BRINP3: variants seen among roughly 807,000 people sequenced by gnomAD.
BRINP3 encodes the protein BMP/retinoic acid inducible neural specific 3, also known as BMP/retinoic acid-inducible neural-specific protein 3.
BRINP3 carries 19 observed loss-of-function variants against 71.0 expected under a neutral mutation model. The ratio of observed to expected loss-of-function variants is 0.27; its 90% confidence interval spans 0.19 to 0.39. The LOEUF is 0.39. BRINP3 is among the 10% of genes least tolerant of loss of function. The pLI is 1.00. For missense variants in BRINP3, 959 were observed against 940.8 expected (o/e 1.02, Z -0.25); for synonymous variants, 380 against 337.7 (o/e 1.13, Z -1.37).
chr1:190,147,928 T>C (rs1656033564), intron 7 of BRINP3, among the ~76,000 whole-genome samples: 1 of 152,206 alleles, frequency 6.6e-6, no homozygotes, highest in Non-Finnish European at 1.5e-5. Flanking sequence ...AGACAAATGC[T>C]GTAATTGTTG....
intron 2 of BRINP3, among the ~76,000 whole-genome samples, chr1:190,406,666 T>G (rs1672304618): frequency 6.6e-6 from 1 of 152,158 alleles, no homozygotes; most frequent in Admixed American, 6.6e-5. Context: ...GACAAGGAGT[T>G]TCTTCCAAAA....
At chr1:190,156,370 G>A (rs1460670327) in intron 7 of BRINP3, among the ~76,000 whole-genome samples, 1 of 151,846 alleles carries the variant, frequency 6.6e-6, no homozygotes. Context: ...ATAAAGGCAA[G>A]AAAAAAATAT....
chr1:190,454,263 T>C (rs984926787), intron 2 of BRINP3, among the ~76,000 whole-genome samples: 1 of 152,202 alleles, frequency 6.6e-6, no homozygotes, highest in Non-Finnish European at 1.5e-5. Flanking sequence ...CAGTGACTAG[T>C]AGAAGATACC....
intron 7 of BRINP3, among the ~76,000 whole-genome samples, chr1:190,150,949 G>T (rs980705495): frequency 3.3e-5 from 5 of 151,932 alleles, no homozygotes; most frequent in Non-Finnish European, 7.4e-5. Flanking sequence ...GAGATAACAA[G>T]ACCACCACAT....
chr1:190,332,509 G>T (rs1378460894), intron 2 of BRINP3, among the ~76,000 whole-genome samples: 1 of 151,980 alleles, frequency 6.6e-6, no homozygotes, highest in Non-Finnish European at 1.5e-5. Flanking sequence ...CTTCTCCTCA[G>T]TAGGAATGGT....
At chr1:190,257,152 T>A (rs1660736872) in intron 4 of BRINP3, among the ~76,000 whole-genome samples, 1 of 152,220 alleles carries the variant, frequency 6.6e-6, no homozygotes, top group African/African-American at 2.4e-5. Context: ...TCTTTTCACA[T>A]ATTCCCATAT....
At chr1:190,221,735 C>T (rs568860987) in intron 6 of BRINP3, among the ~76,000 whole-genome samples, 1 of 151,900 alleles carries the variant, frequency 6.6e-6, no homozygotes, top group Admixed American at 6.6e-5. Flanking sequence ...ATACTCGATG[C>T]AACTGGAAAA....
At chr1:190,423,463 AT>A (rs1413341482) in intron 2 of BRINP3, among the ~76,000 whole-genome samples, 1 of 151,824 alleles carries the variant, frequency 6.6e-6, no homozygotes, top group Non-Finnish European at 1.5e-5. Flanking sequence ...ATATTTAAAT[AT>A]GTTCACAGGA....
chr1:190,126,210 A>T (rs902510114), intron 7 of BRINP3, among the ~76,000 whole-genome samples: 1 of 152,032 alleles, frequency 6.6e-6, no homozygotes, highest in Non-Finnish European at 1.5e-5. Context: ...AAATTCTTCC[A>T]ACCTAAGAAC....
intron 2 of BRINP3, among the ~76,000 whole-genome samples, chr1:190,332,838 A>G (rs1270846804): frequency 6.6e-6 from 1 of 152,018 alleles, no homozygotes; most frequent in Non-Finnish European, 1.5e-5. Context: ...CCTGATTTAG[A>G]AAGATACTTC....
At chr1:190,292,360 A>T (rs1558151524) in intron 2 of BRINP3, among the ~76,000 whole-genome samples, 1 of 148,914 alleles carries the variant, frequency 6.7e-6, no homozygotes, top group Admixed American at 6.6e-5. Context: ...AATATAAAAT[A>T]AAAAAAATGA....
intron 2 of BRINP3, among the ~76,000 whole-genome samples, chr1:190,284,780 A>T (rs746061875): frequency 2.6e-5 from 4 of 152,130 alleles, no homozygotes; most frequent in Non-Finnish European, 4.4e-5. Flanking sequence ...ACAAAAAGAA[A>T]GAAACTCTTT....
chr1:190,194,988 G>GA (rs894908157), intron 6 of BRINP3, among the ~76,000 whole-genome samples: 7 of 151,914 alleles, frequency 4.6e-5, no homozygotes, highest in African/African-American at 1.7e-4. Context: ...TGGAACTTTA[G>GA]AAAAAAGAAT....
chr1:190,230,181 G>A (rs886067638), intron 5 of BRINP3, among the ~76,000 whole-genome samples: 1 of 151,784 alleles, frequency 6.6e-6, no homozygotes, highest in East Asian at 1.9e-4. Flanking sequence ...TGTTATGATG[G>A]AAAGGCCTAA....
rs1222112915 is a variant in BRINP3 at position 190,165,460 on chromosome 1, TTG to T, written c.962-4572_962-4571del. On this transcript the variant is annotated intron_variant, in intron 6 of 7. Transcript: ENST00000367462. ...CATTGGCTGTTTTTTTTTTTTTTTT[TTG>T]TGTGTGTGTGTGTGTGTGTGTGTGT... is the stretch of plus-strand genomic sequence containing the variant. 7.1e-3 allele frequency among the ~76,000 whole-genome samples: 676 copies of T among 95,134 alleles called. 16 individuals are homozygous for T. Among genetic ancestry groups the T allele is most frequent in the Middle Eastern group, 0.019 (3 of 158 alleles). 62.4% of individuals were successfully genotyped at this position (95,134 alleles called of 152,430 possible). A position where few individuals can be genotyped will look rare whatever the true frequency, so the allele number is the denominator to read the frequency against.
At chr1:190,150,230 TG>T (rs1558010395) in intron 7 of BRINP3, among the ~76,000 whole-genome samples, 13 of 151,944 alleles carry the variant, frequency 8.6e-5, no homozygotes, top group Admixed American at 3.3e-4. Flanking sequence ...TATGTGCATA[TG>T]CCATTTTAAT....
intron 2 of BRINP3, chr1:190,362,038 C>G (rs1669183061): frequency 6.6e-6 from 1 of 152,114 alleles, no homozygotes; most frequent in Admixed American, 6.6e-5. Flanking sequence ...CTTGGTCACT[C>G]TCTTTCTTTT....
intron 6 of BRINP3, among the ~76,000 whole-genome samples, chr1:190,209,695 A>G (rs750203413): frequency 6.6e-6 from 1 of 152,176 alleles, no homozygotes; most frequent in Non-Finnish European, 1.5e-5. Flanking sequence ...AATCAAATAG[A>G]AAATATTTCA....
chr1:190,114,677 C>T (rs10800896), intron 7 of BRINP3, among the ~76,000 whole-genome samples: 67,059 of 151,580 alleles, frequency 0.44, 15,295 homozygotes, highest in Non-Finnish European at 0.49. Flanking sequence ...ATTTAGTACA[C>T]AAATGGGAAT....
Sources: allele counts gnomAD v4.1 joint callset (sites outside exome capture counted in the v4.1 genomes callset), GRCh38; gene constraint gnomAD v4.1.1; transcripts MANE v1.5; gene names NCBI Gene and HGNC (gene_info 2026-07-23, HGNC 2026-07-21).